OXR1: variants seen among roughly 807,000 people sequenced by gnomAD.
OXR1 encodes the protein oxidation resistance 1, also known as oxidation resistance protein 1.
In OXR1, 41 loss-of-function variants were observed where a neutral mutation model predicts 104.6. The observed-to-expected ratio is 0.39, with a 90% CI of 0.31 to 0.51. The LOEUF is 0.51. Ranked by LOEUF, OXR1 falls within the 20% of genes least tolerant of loss-of-function variation. The pLI, the probability that OXR1 is intolerant of heterozygous loss-of-function variation, is 0.77. For synonymous variants in OXR1, 348 were observed against 348.4 expected (o/e 1.00, Z 0.01); for missense variants, 955 against 1,031.9 (o/e 0.93, Z 1.02).
chr8:106,501,362 A>G (rs545874431), intron 2 of OXR1, among the ~76,000 whole-genome samples: 1 of 152,330 alleles, frequency 6.6e-6, no homozygotes, highest in East Asian at 1.9e-4. Context: ...GAGCATAGAG[A>G]TGAAGCCAGT....
chr8:106,588,994 T>C (rs1818863692), intron 3 of OXR1, among the ~76,000 whole-genome samples: 1 of 152,204 alleles, frequency 6.6e-6, no homozygotes, highest in South Asian at 2.1e-4. Flanking sequence ...CGATGTCTGG[T>C]ATAAAGAAAG....
intron 1 of OXR1, among the ~76,000 whole-genome samples, chr8:106,316,732 CTATCTATCT>C (rs1563714066): frequency 7.7e-5 from 9 of 116,296 alleles, no homozygotes; most frequent in African/African-American, 2.2e-4. Context: ...ATCTATCTAT[CTATCTATCT>C]ATCTATCTAT....
At chr8:106,539,610 T>C (rs553084123) in intron 3 of OXR1, among the ~76,000 whole-genome samples, 1 of 152,322 alleles carries the variant, frequency 6.6e-6, no homozygotes, top group East Asian at 1.9e-4. Context: ...GTAGTATGAA[T>C]TCTTTAAGAG....
chr8:106,694,812 AATAG>A (rs1161588566), intron 7 of OXR1, among the ~76,000 whole-genome samples: 5 of 125,222 alleles, frequency 4.0e-5, no homozygotes, highest in Non-Finnish European at 6.3e-5. Context: ...ATATATATTT[AATAG>A]ATAAATACAT....
At chr8:106,567,662 C>T (rs1817178908) in intron 3 of OXR1, among the ~76,000 whole-genome samples, 1 of 152,082 alleles carries the variant, frequency 6.6e-6, no homozygotes. Flanking sequence ...AATTTGAAAG[C>T]TGTATCTTTT....
chr8:106,443,479 C>T (rs1301361308), intron 2 of OXR1, among the ~76,000 whole-genome samples: 2 of 152,028 alleles, frequency 1.3e-5, no homozygotes, highest in Non-Finnish European at 1.5e-5. Flanking sequence ...TTTTCTGTCT[C>T]GTTGATCTGA....
At chr8:106,549,074 A>C (rs569041670) in intron 3 of OXR1, among the ~76,000 whole-genome samples, 1 of 152,286 alleles carries the variant, frequency 6.6e-6, no homozygotes, top group South Asian at 2.1e-4. Flanking sequence ...ATCACCGGAA[A>C]AAAAAACAAA....
At chr8:106,640,491 T>C (rs1823538466) in intron 3 of OXR1, among the ~76,000 whole-genome samples, 1 of 151,846 alleles carries the variant, frequency 6.6e-6, no homozygotes, top group Admixed American at 6.6e-5. Flanking sequence ...CAGGCATCTG[T>C]ATGGCGCTCT....
At position 106,286,822 on chromosome 8, in the gene OXR1, T is replaced by A. The variant is rs142741989; in HGVS notation, c.-139+16455T>A. On this transcript the variant is annotated intron_variant, in intron 1 of 16. Coordinates refer to ENST00000517566, the MANE Select transcript of OXR1 (RefSeq NM_001198533.2). Reference sequence around the variant, plus strand: ...TGTTCAACGAATAAGATATTACAACTCCCGTAATGGTCTCTAACATGAATA... The same window carrying A: ...TGTTCAACGAATAAGATATTACAACACCCGTAATGGTCTCTAACATGAATA... Among the ~76,000 whole-genome samples the A allele has an allele frequency of 3.4e-3, 517 of 152,268 alleles. 4 individuals carry two copies. The highest frequency in any genetic ancestry group is 0.011 in the African/African-American group (460 of 41,556).
At chr8:106,615,607 C>CAA (rs34898459) in intron 3 of OXR1, among the ~76,000 whole-genome samples, 3,721 of 117,512 alleles carry the variant, frequency 0.032, 181 homozygotes, top group African/African-American at 0.1. Flanking sequence ...GAATCTGTCT[C>CAA]AAAAAAAAAA....
At chr8:106,641,427 C>A (rs1437674687) in intron 3 of OXR1, among the ~76,000 whole-genome samples, 4 of 152,126 alleles carry the variant, frequency 2.6e-5, no homozygotes, top group Non-Finnish European at 5.9e-5. Context: ...GTTATCTCCA[C>A]GCACAGCATA....
At chr8:106,587,955 A>ATT (rs35772022) in intron 3 of OXR1, among the ~76,000 whole-genome samples, 23 of 145,352 alleles carry the variant, frequency 1.6e-4, no homozygotes, top group Middle Eastern at 3.5e-3. Flanking sequence ...AATATAAACA[A>ATT]TTTTTTTTTT....
chr8:106,508,571 T>A (rs964950198), intron 2 of OXR1, among the ~76,000 whole-genome samples: 5 of 152,204 alleles, frequency 3.3e-5, no homozygotes, highest in Admixed American at 1.3e-4. Context: ...CAATCAACAA[T>A]GTAATCAGTA....
intron 3 of OXR1, among the ~76,000 whole-genome samples, chr8:106,641,943 AT>A (rs35290618): frequency 2.7e-4 from 41 of 150,722 alleles, no homozygotes; most frequent in South Asian, 8.4e-4. Context: ...TGCCTATTTA[AT>A]TTTTTTTTTA....
intron 16 of OXR1, 27 bp downstream of exon 16, chr8:106,745,889 A>G: frequency 8.1e-7 from 1 of 1,234,882 alleles, no homozygotes; most frequent in South Asian, 1.3e-5. Context: ...TTTCACTATG[A>G]GATTTTTGAA....
chr8:106,544,609 TTC>T (rs1815207621), intron 3 of OXR1, among the ~76,000 whole-genome samples: 1 of 152,190 alleles, frequency 6.6e-6, no homozygotes, highest in Non-Finnish European at 1.5e-5. Context: ...CGAAAAAGTA[TTC>T]TGTTTTCCTC....
At chr8:106,694,722 T>G (rs188679214) in intron 7 of OXR1, among the ~76,000 whole-genome samples, 1,936 of 100,516 alleles carry the variant, frequency 0.019, 70 homozygotes, top group South Asian at 0.041. Flanking sequence ...ATAAATATAT[T>G]TTTATATATT....
chr8:106,638,545 T>C (rs542926933), intron 3 of OXR1, among the ~76,000 whole-genome samples: 1 of 152,288 alleles, frequency 6.6e-6, no homozygotes, highest in Non-Finnish European at 1.5e-5. Context: ...AGTTCTAAGA[T>C]AACATTGATC....
intron 2 of OXR1, among the ~76,000 whole-genome samples, chr8:106,444,349 A>G (rs1320901337): frequency 6.6e-6 from 1 of 152,216 alleles, no homozygotes; most frequent in Admixed American, 6.5e-5. Flanking sequence ...GTATATACCC[A>G]AAGGAATATA....
Sources: gnomAD v4.1 joint callset for allele counts (sites outside exome capture counted in the v4.1 genomes callset) on GRCh38, gnomAD v4.1.1 for gene constraint, MANE v1.5 for transcripts, NCBI Gene and HGNC (gene_info 2026-07-23, HGNC 2026-07-21) for gene names.